Variants in SUPT3H observed in about 807,000 individuals in gnomAD.
SUPT3H encodes SPT3 homolog, SAGA and STAGA complex component, also known as transcription initiation protein SPT3 homolog.
A neutral mutation model predicts 44.3 loss-of-function variants in SUPT3H; 44 were observed. That is an observed-to-expected ratio of 0.99 (90% CI 0.78 to 1.28). The LOEUF (loss-of-function observed/expected upper bound fraction) is 1.28, where lower values mean the gene tolerates loss of function less well. Among genes scored for constraint, SUPT3H ranks in the 50% most tolerant of loss-of-function variants. The probability of loss-of-function intolerance (pLI) is 0.00; values close to 1 mark genes in which losing one functional copy is unlikely to be tolerated. For synonymous variants in SUPT3H, 124 were observed against 125.6 expected, an observed-to-expected ratio of 0.99 and a Z score of 0.09; for missense variants, 380 against 387.1, an observed-to-expected ratio of 0.98 and a Z score of 0.15.
chr6:45,066,921 A>C (rs1327039118), intron 3 of SUPT3H, among the ~76,000 whole-genome samples: 9 of 144,296 alleles, frequency 6.2e-5, no homozygotes, highest in South Asian at 4.7e-4. Context: ...CCATCCCCAT[A>C]AAGCTACCAA....
intron 2 of SUPT3H, among the ~76,000 whole-genome samples, chr6:45,297,180 T>C (rs968346347): frequency 1.3e-5 from 2 of 152,058 alleles, no homozygotes; most frequent in African/African-American, 4.8e-5. Flanking sequence ...TCAACCATTA[T>C]ACAAGAAAAA....
intron 2 of SUPT3H, among the ~76,000 whole-genome samples, chr6:45,275,401 A>G (rs1034574746): frequency 2.6e-5 from 4 of 152,116 alleles, no homozygotes; most frequent in Admixed American, 2.6e-4. Context: ...TCATTATGAC[A>G]TATTTCTAAA....
intron 10 of SUPT3H, among the ~76,000 whole-genome samples, chr6:44,888,872 G>T (rs1176227727): frequency 1.4e-5 from 2 of 143,456 alleles, no homozygotes; most frequent in Non-Finnish European, 3.0e-5. Flanking sequence ...AAACCCCATC[G>T]TCTCAGCCCA....
intron 2 of SUPT3H, among the ~76,000 whole-genome samples, chr6:45,232,622 G>A (rs895252350): frequency 6.6e-6 from 1 of 152,204 alleles, no homozygotes; most frequent in African/African-American, 2.4e-5. Flanking sequence ...CCTGTGTGAT[G>A]TGGGTGATGG....
chr6:45,179,555 G>T (rs1309143532), intron 2 of SUPT3H, among the ~76,000 whole-genome samples: 1 of 152,142 alleles, frequency 6.6e-6, no homozygotes, highest in Non-Finnish European at 1.5e-5. Flanking sequence ...TCATCCCTGG[G>T]ATGCAAGGCT....
chr6:45,345,396 T>C (rs1178818935), intron 2 of SUPT3H, among the ~76,000 whole-genome samples: 1 of 152,196 alleles, frequency 6.6e-6, no homozygotes, highest in African/African-American at 2.4e-5. Flanking sequence ...GTATCTCTAT[T>C]CCTTTCAGGC....
intron 6 of SUPT3H, among the ~76,000 whole-genome samples, chr6:44,993,923 C>A (rs1169632318): frequency 1.3e-5 from 2 of 152,094 alleles, no homozygotes; most frequent in African/African-American, 4.8e-5. Context: ...TTGCAAACCA[C>A]ACTGAAGCTA....
chr6:44,933,725 C>A (rs983564189), intron 9 of SUPT3H, among the ~76,000 whole-genome samples: 1 of 152,202 alleles, frequency 6.6e-6, no homozygotes, highest in African/African-American at 2.4e-5. Context: ...CTCACTGAAG[C>A]CTCAAACTTC....
At chr6:44,856,100 A>C (rs1277190882) in intron 10 of SUPT3H, among the ~76,000 whole-genome samples, 2 of 152,214 alleles carry the variant, frequency 1.3e-5, no homozygotes, top group South Asian at 4.1e-4. Flanking sequence ...AGAAGCCAAG[A>C]TATTTCTCCA....
chr6:45,279,459 C>A (rs1357616002), intron 2 of SUPT3H, among the ~76,000 whole-genome samples: 1 of 152,122 alleles, frequency 6.6e-6, no homozygotes, highest in Non-Finnish European at 1.5e-5. Context: ...GCAGATCTCT[C>A]ATGAGTGGCT....
intron 3 of SUPT3H, among the ~76,000 whole-genome samples, chr6:45,058,840 T>C (rs1358580150): frequency 6.6e-6 from 1 of 152,096 alleles, no homozygotes; most frequent in Non-Finnish European, 1.5e-5. Flanking sequence ...GTTTTCCCTC[T>C]CCACTTACCC....
rs1200430999 is a variant in SUPT3H at position 44,827,530 on chromosome 6, G to T, written c.*2286C>A. ...GGTTTTTTCATTTGCAAGATGAGCA[G>T]CTGTTCTTAATGATCTCTAAGACTA... is the stretch of plus-strand genomic sequence containing the variant. On this transcript the variant is annotated 3_prime_UTR_variant, in exon 11 of 11. Transcript: ENST00000371459. Among the ~76,000 whole-genome samples the T allele has an allele frequency of 1.3e-5, 2 of 152,030 alleles. No homozygotes were observed. The highest frequency in any genetic ancestry group is 2.4e-5 in the African/African-American group (1 of 41,432).
chr6:44,942,590 A>G (rs1772633171), intron 9 of SUPT3H, among the ~76,000 whole-genome samples: 1 of 152,138 alleles, frequency 6.6e-6, no homozygotes, highest in African/African-American at 2.4e-5. Flanking sequence ...TACAAATTTT[A>G]CCCAAATATT....
chr6:45,062,818 G>T (rs1409314282), intron 3 of SUPT3H, among the ~76,000 whole-genome samples: 3 of 152,136 alleles, frequency 2.0e-5, no homozygotes, highest in South Asian at 4.1e-4. Context: ...CTACGCCCAC[G>T]GAGTCTCCCT....
chr6:45,139,047 T>C (rs963714829), intron 2 of SUPT3H, among the ~76,000 whole-genome samples: 7 of 152,192 alleles, frequency 4.6e-5, no homozygotes, highest in East Asian at 3.8e-4. Flanking sequence ...ACCTCAAGCA[T>C]ATAAATGCAG....
chr6:45,189,853 T>C (rs1814848644), intron 2 of SUPT3H, among the ~76,000 whole-genome samples: 2 of 152,212 alleles, frequency 1.3e-5, no homozygotes, highest in Non-Finnish European at 2.9e-5. Context: ...TGTAACACAA[T>C]TGGCCACTTT....
intron 2 of SUPT3H, among the ~76,000 whole-genome samples, chr6:45,250,343 T>G (rs1451535770): frequency 2.1e-5 from 3 of 143,172 alleles, no homozygotes; most frequent in African/African-American, 7.7e-5. Flanking sequence ...GAAAAAAAAA[T>G]GTAAAAGAAA....
intron 2 of SUPT3H, among the ~76,000 whole-genome samples, chr6:45,353,347 A>G (rs1324212236): frequency 6.6e-6 from 1 of 152,104 alleles, no homozygotes; most frequent in African/African-American, 2.4e-5. Context: ...AAATATTTTA[A>G]AAAGAAAAGT....
chr6:45,313,264 G>C (rs953690780), intron 2 of SUPT3H, among the ~76,000 whole-genome samples: 1 of 151,238 alleles, frequency 6.6e-6, no homozygotes, highest in Non-Finnish European at 1.5e-5. Context: ...ACCAAACCCA[G>C]TAGAAGAAAA....
Sources: gnomAD v4.1 joint callset for allele counts (sites outside exome capture counted in the v4.1 genomes callset) on GRCh38, gnomAD v4.1.1 for gene constraint, MANE v1.5 for transcripts, NCBI Gene and HGNC (gene_info 2026-07-23, HGNC 2026-07-21) for gene names.